The following TBC1D2 variants were observed in gnomAD, a reference collection of about 807,000 sequenced individuals.
TBC1D2 encodes the protein TBC1 domain family member 2A.
Under a neutral mutation model 91.1 loss-of-function variants are expected in TBC1D2, and 58 were observed. That is an observed-to-expected ratio of 0.64 (90% CI 0.52 to 0.79). TBC1D2 has a LOEUF of 0.79. Among genes scored for constraint, TBC1D2 ranks in the 30% least tolerant of loss-of-function variants. TBC1D2 has a pLI of 0.00. For synonymous variants in TBC1D2, 482 were observed against 511.5 expected (o/e 0.94, Z 0.78); for missense variants, 1,080 against 1,208.3 (o/e 0.89, Z 1.57).
intron 1 of TBC1D2, among the ~76,000 whole-genome samples, chr9:98,254,693 C>T (rs1287159565): frequency 1.3e-5 from 2 of 152,330 alleles, no homozygotes; most frequent in Admixed American, 1.3e-4. Context: ...TAATCCCTGC[C>T]AGTCTCTTCT....
At chr9:98,254,279 C>T (rs989094362) in intron 1 of TBC1D2, among the ~76,000 whole-genome samples, 5 of 150,646 alleles carry the variant, frequency 3.3e-5, no homozygotes, top group Non-Finnish European at 7.4e-5. Flanking sequence ...GGGACACCTC[C>T]TCTTGACATT....
At position 98,213,183 on chromosome 9, in the gene TBC1D2, G is replaced by T; in HGVS notation, c.1410C>A (p.Phe470Leu). ...TGACCTGGTGGATCTCGGAGTTGAGGAAGCAGTTCTGGGTCCGGTAAGCTT... is the reference window on the plus strand; with the variant it reads ...TGACCTGGTGGATCTCGGAGTTGAGTAAGCAGTTCTGGGTCCGGTAAGCTT... Reference protein sequence around the residue: ...DMEAYRTQNCFLNSEIHQVTK... With the variant: ...DMEAYRTQNCLLNSEIHQVTK... The change falls in exon 7 of 13, where the codon TTC (phenylalanine) becomes TTA (leucine). Residue 470 changes from phenylalanine (F) to leucine (L), a missense_variant. Coordinates refer to ENST00000465784, the MANE Select transcript of TBC1D2 (RefSeq NM_001267571.2). The T allele has an allele frequency of 6.2e-7, 1 of 1,614,092 alleles. No homozygotes were observed. Among genetic ancestry groups the T allele is most frequent in the South Asian group, 1.1e-5 (1 of 91,080 alleles).
At chr9:98,251,142 G>C (rs377110233) in intron 2 of TBC1D2, among the ~76,000 whole-genome samples, 1 of 152,048 alleles carries the variant, frequency 6.6e-6, no homozygotes, top group Non-Finnish European at 1.5e-5. Flanking sequence ...AAAATTAGCC[G>C]GGCGTGGTGG....
At chr9:98,248,730 A>G (rs922753160) in intron 2 of TBC1D2, among the ~76,000 whole-genome samples, 15 of 152,240 alleles carry the variant, frequency 9.9e-5, no homozygotes, top group African/African-American at 3.6e-4. Flanking sequence ...TGACGCATGT[A>G]AAGTGTTGGG....
At position 98,255,200 on chromosome 9, in the gene TBC1D2, C is replaced by T. The variant is rs1398866961; in HGVS notation, c.342G>A (p.Lys114=). The T allele has an allele frequency of 2.5e-6, 4 of 1,609,752 alleles. No individual in the cohort carries two copies. In the Admixed American group the frequency reaches 6.7e-5, roughly 27 times the overall value. Residue 114 remains lysine, a synonymous_variant, in exon 1 of 13, where the codon AAG becomes AAA. Coordinates refer to ENST00000465784, the MANE Select transcript of TBC1D2 (RefSeq NM_001267571.2). ...ADAEEGIFEI[K]TPSRVITLKA... ...TCAGGGTAATAACCCGGCTGGGAGT[C>T]TTGATTTCGAAGATCCCCTCCTCAG...
chr9:98,230,879 T>A (rs750014753), intron 4 of TBC1D2, among the ~76,000 whole-genome samples: 8 of 152,196 alleles, frequency 5.3e-5, no homozygotes, highest in Non-Finnish European at 1.0e-4. Context: ...AGACTCTGAC[T>A]CAAAACAAAC....
At chr9:98,218,294 C>T (rs998838702) in intron 6 of TBC1D2, among the ~76,000 whole-genome samples, 1 of 152,024 alleles carries the variant, frequency 6.6e-6, no homozygotes, top group East Asian at 1.9e-4. Context: ...TGGCCAGGTG[C>T]GGTGGCTCAC....
At chr9:98,234,150 G>A (rs1231124663) in intron 3 of TBC1D2, among the ~76,000 whole-genome samples, 2 of 152,124 alleles carry the variant, frequency 1.3e-5, no homozygotes, top group South Asian at 2.1e-4. Context: ...AGTGTACTTC[G>A]CAGCGGGGTC....
intron 2 of TBC1D2, among the ~76,000 whole-genome samples, chr9:98,248,472 A>C (rs1455777632): frequency 1.3e-5 from 2 of 152,222 alleles, no homozygotes; most frequent in African/African-American, 4.8e-5. Context: ...CGCTGCCTAG[A>C]CAAAAAAAGG....
At position 98,199,896 on chromosome 9, in the gene TBC1D2, T is replaced by C. The variant is rs374560026; in HGVS notation, c.2580-308A>G. ...ATAAAAGGTGACCAGGCAAAGAAGA[T>C]AGTGGTGGTGGAAGTGGCAAGGAGG... On this transcript the variant is annotated intron_variant, in intron 12 of 12. Coordinates refer to ENST00000465784, the MANE Select transcript of TBC1D2 (RefSeq NM_001267571.2). 2.6e-4 allele frequency among the ~76,000 whole-genome samples: 40 copies of C among 152,088 alleles called. No homozygotes were observed. The South Asian group carries it at 6.0e-3, about 23-fold the overall frequency.
At chr9:98,226,010 T>C (rs1382299370) in intron 5 of TBC1D2, among the ~76,000 whole-genome samples, 3 of 152,158 alleles carry the variant, frequency 2.0e-5, no homozygotes, top group Non-Finnish European at 4.4e-5. Context: ...GCTCCTGGGA[T>C]TCCAGGTGCC....
intron 1 of TBC1D2, among the ~76,000 whole-genome samples, chr9:98,252,790 G>A (rs887929802): frequency 3.9e-5 from 6 of 152,140 alleles, no homozygotes; most frequent in Non-Finnish European, 8.8e-5. Flanking sequence ...ACAGCTCACC[G>A]GGCGTGGATG....
At chr9:98,249,044 C>T (rs1829820393) in intron 2 of TBC1D2, among the ~76,000 whole-genome samples, 1 of 152,180 alleles carries the variant, frequency 6.6e-6, no homozygotes, top group Non-Finnish European at 1.5e-5. Context: ...GCCGCTGCTT[C>T]CTCAGGAAGG....
At chr9:98,231,336 A>G (rs1829365334) in intron 4 of TBC1D2, among the ~76,000 whole-genome samples, 1 of 143,812 alleles carries the variant, frequency 7.0e-6, no homozygotes, top group Non-Finnish European at 1.5e-5. Flanking sequence ...CTCAAAAAGA[A>G]TTTAGGTGTT....
At chr9:98,209,602 C>T (rs1828758871) in intron 8 of TBC1D2, among the ~76,000 whole-genome samples, 1 of 152,240 alleles carries the variant, frequency 6.6e-6, no homozygotes, top group Middle Eastern at 3.4e-3. Context: ...GGACCCGTTC[C>T]AGAAGGCCTT....
Position 98,228,409 on chromosome 9 carries a change from T to G in TBC1D2, c.978+543A>C, listed in dbSNP as rs1028217286. Among the ~76,000 whole-genome samples the G allele has an allele frequency of 6.6e-6, 1 of 152,250 alleles. No individual in the cohort carries two copies. Among genetic ancestry groups the G allele is most frequent in the Admixed American group, 6.5e-5 (1 of 15,284 alleles). On this transcript the variant is annotated intron_variant, in intron 5 of 12. Coordinates refer to ENST00000465784, the MANE Select transcript of TBC1D2 (RefSeq NM_001267571.2). This position sits in a 1 kb window ranked among gnomAD's most constrained non-coding sequence, Gnocchi z 4.0. ...GTTTTCTACAATTATTATATAGCTC[T>G]TGTAACTCTCGTAATTAACTTCTTA...
chr9:98,220,708 A>G lies in TBC1D2; in HGVS notation c.1374+125T>C, dbSNP rs912287000. ...CCATCAACATGTGTTTCTAATGTGAATATTCTAGGATGAAGGGGTATCCCC... is the reference window on the plus strand; with the variant it reads ...CCATCAACATGTGTTTCTAATGTGAGTATTCTAGGATGAAGGGGTATCCCC... On this transcript the variant is annotated intron_variant, in intron 6 of 12. Transcript: ENST00000465784. 1.2e-5 allele frequency: 14 copies of G among 1,213,914 alleles called. No homozygotes were observed. In the African/African-American group the frequency reaches 1.7e-4, roughly 15 times the overall value. 75.2% of individuals were successfully genotyped at this position (1,213,914 alleles called of 1,614,324 possible). A position where few individuals can be genotyped will look rare whatever the true frequency, so the allele number is the denominator to read the frequency against.
chr9:98,253,591 A>T (rs1217926805), intron 1 of TBC1D2, among the ~76,000 whole-genome samples: 3 of 151,940 alleles, frequency 2.0e-5, no homozygotes, highest in Non-Finnish European at 4.4e-5. Context: ...TTGCCTGGAC[A>T]CTCAGGGCTG....
intron 5 of TBC1D2, among the ~76,000 whole-genome samples, chr9:98,222,776 A>G (rs1440080256): frequency 6.6e-6 from 1 of 152,260 alleles, no homozygotes; most frequent in Non-Finnish European, 1.5e-5. Flanking sequence ...ATACCACACC[A>G]AAGTATTAAA....
Sources: gnomAD v4.1 joint callset for allele counts (sites outside exome capture counted in the v4.1 genomes callset) on GRCh38, gnomAD v4.1.1 for gene constraint, Gnocchi (gnomAD v3.1) non-coding constraint, MANE v1.5 for transcripts, NCBI Gene and HGNC (gene_info 2026-07-23, HGNC 2026-07-21) for gene names.